The following SNTG1 variants were observed in gnomAD, a reference collection of about 807,000 sequenced individuals.
SNTG1 encodes gamma-1-syntrophin.
A neutral mutation model predicts 74.7 loss-of-function variants in SNTG1; 39 were observed. The observed-to-expected ratio is 0.52, with a 90% confidence interval of 0.40 to 0.68. SNTG1 has a LOEUF of 0.68. Among genes scored for constraint, SNTG1 ranks in the 30% least tolerant of loss-of-function variants. SNTG1 has a pLI of 0.00. For missense variants in SNTG1, 685 were observed against 609.5 expected (o/e 1.12, Z -1.30); for synonymous variants, 254 against 217.1 (o/e 1.17, Z -1.49).
intron 18 of SNTG1, chr8:50,762,947 G>A: frequency 3.5e-6 from 1 of 282,516 alleles, no homozygotes; most frequent in African/African-American, 2.2e-5. Context: ...TGAGAATCTG[G>A]TCAAGATCCT....
chr8:49,910,653 C>T (rs373574188), upstream of SNTG1, among the ~76,000 whole-genome samples: 2 of 152,186 alleles, frequency 1.3e-5, no homozygotes. Context: ...CAGCCAGTTG[C>T]CAAGAGCGGG....
At chr8:50,777,537 G>A (rs1019244916) in intron 18 of SNTG1, among the ~76,000 whole-genome samples, 1 of 151,112 alleles carries the variant, frequency 6.6e-6, no homozygotes, top group Non-Finnish European at 1.5e-5. Flanking sequence ...TTTGTTCTAA[G>A]CATGGTGATA....
chr8:50,128,464 G>A (rs2081214762), intron 1 of SNTG1, among the ~76,000 whole-genome samples: 1 of 152,094 alleles, frequency 6.6e-6, no homozygotes, highest in African/African-American at 2.4e-5. Context: ...CCATAGCAAA[G>A]ATGCTAAAAT....
intron 2 of SNTG1, among the ~76,000 whole-genome samples, chr8:50,224,484 A>G (rs987541837): frequency 6.6e-6 from 1 of 152,200 alleles, no homozygotes; most frequent in Admixed American, 6.5e-5. Flanking sequence ...CAAGGATGTG[A>G]CTAACACCAT....
chr8:50,329,251 T>C (rs2090868318), intron 2 of SNTG1, among the ~76,000 whole-genome samples: 1 of 152,158 alleles, frequency 6.6e-6, no homozygotes, highest in East Asian at 1.9e-4. Context: ...TTCTGGGGTA[T>C]GGAGGACAGT....
In SNTG1 at chr8:50,357,147, G is replaced by A. The variant is rs556142897; in HGVS notation, c.-27-37065G>A. Among the ~76,000 whole-genome samples the A allele has an allele frequency of 1.1e-4, 16 of 152,130 alleles. No individual in the cohort carries two copies. The East Asian group carries it at 1.2e-3, about 11-fold the overall frequency. On this transcript the variant is annotated intron_variant, in intron 2 of 18. Coordinates refer to ENST00000642720, the MANE Select transcript of SNTG1 (RefSeq NM_018967.5). Reference sequence around the variant, plus strand: ...CACCTCCCTCCTGCTCATTTCCCACGTCAGCCATACTCCTTGGTGTGGAGT... The same window carrying A: ...CACCTCCCTCCTGCTCATTTCCCACATCAGCCATACTCCTTGGTGTGGAGT...
At chr8:50,043,015 T>C (rs1366252695) in intron 1 of SNTG1, among the ~76,000 whole-genome samples, 2 of 152,370 alleles carry the variant, frequency 1.3e-5, no homozygotes, top group South Asian at 2.1e-4. Context: ...TTTAAAATTA[T>C]GTGTATTTAA....
At chr8:50,173,327 T>C (rs933724612) in intron 2 of SNTG1, among the ~76,000 whole-genome samples, 1 of 152,204 alleles carries the variant, frequency 6.6e-6, no homozygotes, top group Non-Finnish European at 1.5e-5. Context: ...AGGATTGAAG[T>C]CACTAAATCT....
intron 1 of SNTG1, among the ~76,000 whole-genome samples, chr8:49,999,639 C>A (rs187968501): frequency 6.6e-6 from 1 of 152,146 alleles, no homozygotes; most frequent in Admixed American, 6.5e-5. Context: ...CCAGAACACT[C>A]TTCCCCCAAT....
At chr8:50,515,148 A>G (rs1025954450) in intron 9 of SNTG1, among the ~76,000 whole-genome samples, 3 of 152,318 alleles carry the variant, frequency 2.0e-5, no homozygotes, top group African/African-American at 7.2e-5. Flanking sequence ...ATACATAAGC[A>G]TATCTTGGAG....
At chr8:50,150,694 A>G (rs975182880) in intron 1 of SNTG1, among the ~76,000 whole-genome samples, 2 of 152,128 alleles carry the variant, frequency 1.3e-5, no homozygotes, top group African/African-American at 4.8e-5. Flanking sequence ...GATGGATTAC[A>G]TTTATTGATT....
intron 8 of SNTG1, among the ~76,000 whole-genome samples, chr8:50,498,356 C>A (rs941486170): frequency 6.6e-6 from 1 of 151,718 alleles, no homozygotes; most frequent in Non-Finnish European, 1.5e-5. Context: ...TCACTAATTG[C>A]TATTATGTTA....
intron 2 of SNTG1, among the ~76,000 whole-genome samples, chr8:50,212,921 G>T (rs897104988): frequency 6.6e-6 from 1 of 152,210 alleles, no homozygotes; most frequent in African/African-American, 2.4e-5. Flanking sequence ...ACGTGTGGAA[G>T]CAACCCCAGA....
intron 11 of SNTG1, among the ~76,000 whole-genome samples, chr8:50,546,288 G>A (rs1010676798): frequency 6.6e-6 from 1 of 152,072 alleles, no homozygotes; most frequent in Non-Finnish European, 1.5e-5. Context: ...AGCACAATAT[G>A]TAAGAGTATA....
chr8:50,645,594 C>T (rs998960926), intron 13 of SNTG1, among the ~76,000 whole-genome samples: 9 of 152,098 alleles, frequency 5.9e-5, no homozygotes, highest in African/African-American at 2.2e-4. Flanking sequence ...GGGATATTAT[C>T]TTCCTCCAGA....
chr8:50,075,499 C>A (rs995025006), intron 1 of SNTG1, among the ~76,000 whole-genome samples: 5 of 152,178 alleles, frequency 3.3e-5, no homozygotes, highest in African/African-American at 9.7e-5. Context: ...ACGCATTAAT[C>A]AGCACCCCGT....
At chr8:50,464,421 C>A (rs1213561410) in intron 8 of SNTG1, among the ~76,000 whole-genome samples, 2 of 151,986 alleles carry the variant, frequency 1.3e-5, no homozygotes, top group Non-Finnish European at 2.9e-5. Context: ...CACTTACAGG[C>A]CATGACAGCA....
At chr8:50,191,447 G>C (rs116168007) in intron 2 of SNTG1, among the ~76,000 whole-genome samples, 1,730 of 152,164 alleles carry the variant, frequency 0.011, 39 homozygotes, top group African/African-American at 0.037. Flanking sequence ...ATTCACAAGA[G>C]CACTACTGGA....
At chr8:50,291,544 C>A (rs1471906928) in intron 2 of SNTG1, among the ~76,000 whole-genome samples, 1 of 152,060 alleles carries the variant, frequency 6.6e-6, no homozygotes, top group Non-Finnish European at 1.5e-5. Flanking sequence ...AAGAAATGAC[C>A]TCAGGAAAGT....
Sources: allele counts gnomAD v4.1 joint callset (sites outside exome capture counted in the v4.1 genomes callset), GRCh38; gene constraint gnomAD v4.1.1; transcripts MANE v1.5; gene names NCBI Gene and HGNC (gene_info 2026-07-23, HGNC 2026-07-21).